VPS53: variants seen among roughly 807,000 people sequenced by gnomAD.
The protein encoded by VPS53 is VPS53 subunit of GARP complex, also known as vacuolar protein sorting-associated protein 53 homolog.
A neutral mutation model predicts 107.0 loss-of-function variants in VPS53; 70 were observed. That is an observed-to-expected ratio of 0.65 (90% CI 0.54 to 0.80). VPS53 has a LOEUF of 0.80. Ranked by LOEUF, VPS53 falls within the 30% of genes least tolerant of loss-of-function variation. VPS53 has a pLI of 0.00. For synonymous variants in VPS53, 409 were observed against 393.3 expected, an observed-to-expected ratio of 1.04 and a Z score of -0.47; for missense variants, 917 against 1,049.4, an observed-to-expected ratio of 0.87 and a Z score of 1.74.
intron 7 of VPS53, among the ~76,000 whole-genome samples, chr17:639,056 A>G (rs1474380865): frequency 2.0e-5 from 3 of 152,288 alleles, no homozygotes; most frequent in Non-Finnish European, 2.9e-5. Flanking sequence ...AGGTACACCA[A>G]TAAGACGTAG....
chr17:647,557 G>A (rs1255777380), intron 7 of VPS53, among the ~76,000 whole-genome samples: 1 of 152,164 alleles, frequency 6.6e-6, no homozygotes, highest in Non-Finnish European at 1.5e-5. Context: ...CAGCAAATCT[G>A]CCTGCTCCAT....
intron 11 of VPS53, among the ~76,000 whole-genome samples, chr17:620,805 G>A (rs996886295): frequency 7.9e-5 from 12 of 150,982 alleles, no homozygotes; most frequent in African/African-American, 2.9e-4. Flanking sequence ...ATGGGGTTTT[G>A]TCACGGTAGC....
chr17:626,591 T>C (rs1223664827), intron 10 of VPS53, among the ~76,000 whole-genome samples: 1 of 152,038 alleles, frequency 6.6e-6, no homozygotes, highest in Non-Finnish European at 1.5e-5. Context: ...TGAGAATCAC[T>C]TGAATGCAGT....
At chr17:642,794 A>G (rs375732757) in intron 7 of VPS53, among the ~76,000 whole-genome samples, 133 of 80,268 alleles carry the variant, frequency 1.7e-3, no homozygotes, top group South Asian at 8.8e-3. Context: ...CTTGGAAATC[A>G]AGGACAACAC....
chr17:683,125 A>G (rs984853675), intron 4 of VPS53, among the ~76,000 whole-genome samples: 2 of 152,184 alleles, frequency 1.3e-5, no homozygotes, highest in Admixed American at 6.5e-5. Context: ...ACAAAGAGGA[A>G]AAAAGAAAAG....
chr17:710,387 C>T lies in VPS53; in HGVS notation c.168+146G>A, dbSNP rs60716882. 3.3e-3 allele frequency: 2,131 copies of T among 639,484 alleles called. 35 individuals carry two copies. In the African/African-American group the frequency reaches 0.034, roughly 10 times the overall value. The allele number at this position is 639,484 out of a possible 1,614,324, so 39.6% of individuals were successfully genotyped here. A position where few individuals can be genotyped will look rare whatever the true frequency, so the allele number is the denominator to read the frequency against. On this transcript the variant is annotated intron_variant, in intron 2 of 21. Coordinates refer to ENST00000437048, the MANE Select transcript of VPS53 (RefSeq NM_001128159.3). ...TTCCAACACAGTGTAGCTCACTGCC[C>T]CAGCTGGTGATGATGGAGTTTGATT...
chr17:672,350 C>A (rs1233253737), intron 4 of VPS53, among the ~76,000 whole-genome samples: 1 of 152,006 alleles, frequency 6.6e-6, no homozygotes, highest in Non-Finnish European at 1.5e-5. Context: ...TTGCCTAAGC[C>A]CGTTTGAATT....
rs538913167 is a variant in VPS53 at position 593,230 on chromosome 17, A to T, written c.1219-6866T>A. ...CCTAGAAGAAAACCTAGGCATTACC[A>T]TTCAGGACATAGGCATGGGCAAGGA... is the stretch of plus-strand genomic sequence containing the variant. On this transcript the variant is annotated intron_variant, in intron 12 of 21. Coordinates refer to ENST00000437048, the MANE Select transcript of VPS53 (RefSeq NM_001128159.3). 7.2e-5 allele frequency among the ~76,000 whole-genome samples: 11 copies of T among 152,180 alleles called. No individual in the cohort carries two copies. In the South Asian group the frequency reaches 2.3e-3, roughly 32 times the overall value.
intron 13 of VPS53, among the ~76,000 whole-genome samples, chr17:566,154 A>G (rs1913484687): frequency 6.7e-6 from 1 of 148,258 alleles, no homozygotes; most frequent in African/African-American, 2.5e-5. Context: ...CAGTGAGCCG[A>G]GATCCCGCCA....
In VPS53 at chr17:519,817, G is replaced by T. The variant is rs373173577; in HGVS notation, c.2328+9C>A. 3 of 1,545,688 alleles carry T rather than the reference G, an allele frequency of 1.9e-6. No individual in the cohort carries two copies. The highest frequency in any genetic ancestry group is 2.6e-6 in the Non-Finnish European group (3 of 1,141,628). On this transcript the variant is annotated intron_variant, in intron 21 of 21. Transcript: ENST00000437048. The surrounding 1 kb of genome is among the most constrained non-coding windows in gnomAD (Gnocchi z 5.0). ...TGAGCAGGTGTGGACCAAATGTCCCGGCACAAACCTTCATGTCCAGTATCT... is the reference window on the plus strand; with the variant it reads ...TGAGCAGGTGTGGACCAAATGTCCCTGCACAAACCTTCATGTCCAGTATCT...
At chr17:669,546 T>C (rs192265589) in intron 4 of VPS53, among the ~76,000 whole-genome samples, 26 of 146,330 alleles carry the variant, frequency 1.8e-4, no homozygotes, top group Admixed American at 1.5e-3. Flanking sequence ...TGAGCCAAGA[T>C]TGCGCCACTG....
chr17:526,233 A>T (rs1567598504), intron 19 of VPS53, among the ~76,000 whole-genome samples: 1 of 152,156 alleles, frequency 6.6e-6, no homozygotes, highest in Non-Finnish European at 1.5e-5. Flanking sequence ...AGGAAAAAAA[A>T]AATCAGTCAT....
At chr17:534,656 G>A (rs1909880050) in intron 18 of VPS53, among the ~76,000 whole-genome samples, 1 of 152,192 alleles carries the variant, frequency 6.6e-6, no homozygotes, top group Non-Finnish European at 1.5e-5. Context: ...GGCAGCTCAT[G>A]CCTATAATCC....
At chr17:624,976 CTCTG>C (rs1030826679) in intron 10 of VPS53, among the ~76,000 whole-genome samples, 22 of 110,800 alleles carry the variant, frequency 2.0e-4, no homozygotes, top group East Asian at 1.0e-3. Flanking sequence ...TTCCTTCCTT[CTCTG>C]TCTTTCTCTC....
In VPS53 at chr17:521,778, C is replaced by A. The variant is rs534040487; in HGVS notation, c.2086-40G>T. On this transcript the variant is annotated intron_variant, in intron 19 of 21. Transcript: ENST00000437048. Reference sequence around the variant, plus strand: ...AGAGAGCATTACCGGCCCCTTCCAGCGACCCAGTGCCGAGTGGACTCATGC... The same window carrying A: ...AGAGAGCATTACCGGCCCCTTCCAGAGACCCAGTGCCGAGTGGACTCATGC... 4.3e-4 allele frequency: 621 copies of A among 1,448,534 alleles called. 11 individuals carry two copies. In the South Asian group the frequency reaches 8.3e-3, roughly 19 times the overall value. 89.7% of individuals were successfully genotyped at this position (1,448,534 alleles called of 1,614,324 possible). A position where few individuals can be genotyped will look rare whatever the true frequency, so the allele number is the denominator to read the frequency against.
chr17:714,720 G>A lies in VPS53; in HGVS notation c.-11C>T. Reference sequence around the variant, plus strand: ...CTCCTCCTCCATCATTCCGCCACCCGGCCCCCTGCCGACCCCCGCCGCGAG... The same window carrying A: ...CTCCTCCTCCATCATTCCGCCACCCAGCCCCCTGCCGACCCCCGCCGCGAG... On this transcript the variant is annotated 5_prime_UTR_variant, in exon 1 of 22. Transcript: ENST00000437048. The A allele has an allele frequency of 6.2e-7, 1 of 1,612,044 alleles. No individual in the cohort carries two copies. Among genetic ancestry groups the A allele is most frequent in the South Asian group, 1.1e-5 (1 of 91,006 alleles).
chr17:625,459 C>T (rs1367481475), intron 10 of VPS53, among the ~76,000 whole-genome samples: 1 of 142,236 alleles, frequency 7.0e-6, no homozygotes, highest in Non-Finnish European at 1.5e-5. Flanking sequence ...GGCAACACTG[C>T]GAGACCCCCA....
At chr17:629,502 A>C (rs1969850313) in intron 8 of VPS53, among the ~76,000 whole-genome samples, 1 of 152,222 alleles carries the variant, frequency 6.6e-6, no homozygotes, top group Non-Finnish European at 1.5e-5. Flanking sequence ...TCACGCCTGT[A>C]ATCCCAGCAC....
At chr17:685,856 T>TA (rs901996086) in intron 4 of VPS53, among the ~76,000 whole-genome samples, 6 of 151,838 alleles carry the variant, frequency 4.0e-5, no homozygotes, top group Non-Finnish European at 7.4e-5. Context: ...CTTTTTAAAT[T>TA]AAAAAATTAG....
Sources: allele counts gnomAD v4.1 joint callset (sites outside exome capture counted in the v4.1 genomes callset), GRCh38; gene constraint gnomAD v4.1.1; non-coding constraint Gnocchi (gnomAD v3.1); transcripts MANE v1.5; gene names NCBI Gene and HGNC (gene_info 2026-07-23, HGNC 2026-07-21).